Variants in MGA observed in about 807,000 individuals in gnomAD.
MGA encodes the protein MAX gene-associated protein.
In MGA, 40 loss-of-function variants were observed where a neutral mutation model predicts 261.1. The ratio of observed to expected loss-of-function variants is 0.15; its 90% confidence interval spans 0.12 to 0.20. MGA has a LOEUF of 0.20. MGA is among the 10% of genes least tolerant of loss of function. MGA has a pLI of 1.00. For missense variants in MGA, 3,397 were observed against 3,630.5 expected (o/e 0.94, Z 1.65); for synonymous variants, 1,302 against 1,290.6 (o/e 1.01, Z -0.19).
At chr15:41,644,804 G>A (rs2056902840) in intron 1 of MGA, among the ~76,000 whole-genome samples, 2 of 152,336 alleles carry the variant, frequency 1.3e-5, no homozygotes, top group South Asian at 2.1e-4. Context: ...ACCTAGAAAA[G>A]TTAACTGATG....
rs576807757 is a variant in MGA, at chr15:41,706,388, C to G, written c.2189-1340C>G. Among the ~76,000 whole-genome samples the G allele has an allele frequency of 4.0e-5, 6 of 150,144 alleles. No individual in the cohort carries two copies. The South Asian group carries it at 1.3e-3, about 31-fold the overall frequency. ...TCAGCTTTCCAAGTAGTTGGGCCTA[C>G]AGGTGCACGCCACAGTGCCTGGCTT... On this transcript the variant is annotated intron_variant, in intron 5 of 23. Transcript: ENST00000219905.
At chr15:41,665,894 A>G (rs1363636572) in intron 1 of MGA, among the ~76,000 whole-genome samples, 1 of 151,844 alleles carries the variant, frequency 6.6e-6, no homozygotes, top group Admixed American at 6.6e-5. Flanking sequence ...ATAACCTTTA[A>G]TAATTAACTA....
At chr15:41,670,261 A>G (rs1421217873) in intron 2 of MGA, among the ~76,000 whole-genome samples, 1 of 152,148 alleles carries the variant, frequency 6.6e-6, no homozygotes, top group Non-Finnish European at 1.5e-5. Context: ...GAATACCAAC[A>G]CCTGACTACA....
chr15:41,676,615 A>G (rs1034691847), intron 2 of MGA, among the ~76,000 whole-genome samples: 5 of 152,166 alleles, frequency 3.3e-5, no homozygotes, highest in Admixed American at 2.0e-4. Context: ...ATTAGTATCT[A>G]TAAGATGTAT....
intron 5 of MGA, 113 bp downstream of exon 5, chr15:41,699,272 C>T: frequency 2.9e-6 from 2 of 685,524 alleles, no homozygotes; most frequent in Non-Finnish European, 4.7e-6. Flanking sequence ...TTTCCTCTTT[C>T]TTTCTAGCCT....
chr15:41,651,284 C>T (rs2057036343), intron 1 of MGA, among the ~76,000 whole-genome samples: 1 of 152,286 alleles, frequency 6.6e-6, no homozygotes, highest in Middle Eastern at 3.4e-3. Flanking sequence ...GACCATAGTA[C>T]TTATGAGATA....
intron 2 of MGA, among the ~76,000 whole-genome samples, chr15:41,694,001 T>C (rs1356971535): frequency 6.6e-6 from 1 of 152,140 alleles, no homozygotes; most frequent in East Asian, 1.9e-4. Context: ...TTTCTTAGAT[T>C]TTAAGAAATA....
intron 1 of MGA, among the ~76,000 whole-genome samples, chr15:41,662,489 G>A (rs904243266): frequency 2.6e-5 from 4 of 152,164 alleles, no homozygotes; most frequent in African/African-American, 9.7e-5. Flanking sequence ...TGCCCTATAA[G>A]GTTGTGACGA....
chr15:41,660,968 T>C (rs1007522162), intron 1 of MGA, among the ~76,000 whole-genome samples: 3 of 152,220 alleles, frequency 2.0e-5, no homozygotes, highest in African/African-American at 7.2e-5. Context: ...GTCTCGTGGT[T>C]CTAGAACTCC....
chr15:41,626,055 A>G (rs12914573), intron 1 of MGA, among the ~76,000 whole-genome samples: 37,431 of 152,046 alleles, frequency 0.25, 5,156 homozygotes, highest in Middle Eastern at 0.43. Context: ...TATAAATTAA[A>G]CTTTATTATA....
At chr15:41,734,732 C>T in intron 12 of MGA, 138 bp downstream of exon 12, 1 of 645,118 alleles carries the variant, frequency 1.6e-6, no homozygotes. Context: ...AAAACAGGGA[C>T]AATAAGTAAA....
intron 14 of MGA, 30 bp from the exon 15 acceptor site, chr15:41,742,516 G>C: frequency 1.9e-6 from 3 of 1,599,302 alleles, no homozygotes; most frequent in Non-Finnish European, 2.6e-6. Context: ...GAGAACTGAA[G>C]ATTTTTGACC....
intron 2 of MGA, among the ~76,000 whole-genome samples, chr15:41,673,540 C>CTTTTT (rs777334913): frequency 2.4e-4 from 28 of 118,908 alleles, no homozygotes; most frequent in Non-Finnish European, 3.1e-4. Flanking sequence ...TTCTTTCTTT[C>CTTTTT]TTTTTTTTTT....
At chr15:41,694,049 G>A (rs183619501) in intron 2 of MGA, among the ~76,000 whole-genome samples, 12 of 152,050 alleles carry the variant, frequency 7.9e-5, no homozygotes, top group African/African-American at 2.9e-4. Flanking sequence ...AACTTTTCTA[G>A]TTCTAAGTGG....
chr15:41,632,894 T>C (rs894488926), intron 1 of MGA, among the ~76,000 whole-genome samples: 6 of 151,212 alleles, frequency 4.0e-5, no homozygotes, highest in Admixed American at 3.3e-4. Flanking sequence ...CACAAACAAA[T>C]GAAATGGCTG....
chr15:41,764,024 T>A (rs1043409604), intron 22 of MGA, among the ~76,000 whole-genome samples: 9 of 151,800 alleles, frequency 5.9e-5, no homozygotes. Context: ...CCGGATGTGG[T>A]GGTGCACACC....
At chr15:41,631,895 TTTAAA>T (rs1438062281) in intron 1 of MGA, among the ~76,000 whole-genome samples, 1 of 152,228 alleles carries the variant, frequency 6.6e-6, no homozygotes, top group Non-Finnish European at 1.5e-5. Context: ...TTTCTTTTTT[TTTAAA>T]TGGCAAGTGT....
chr15:41,717,294 A>G (rs1033673307), intron 9 of MGA, among the ~76,000 whole-genome samples: 1 of 152,204 alleles, frequency 6.6e-6, no homozygotes, highest in Non-Finnish European at 1.5e-5. Flanking sequence ...GGGTAGTACC[A>G]AGGGAAAGAA....
intron 22 of MGA, among the ~76,000 whole-genome samples, chr15:41,762,918 T>C (rs1165085352): frequency 6.6e-6 from 1 of 152,150 alleles, no homozygotes; most frequent in South Asian, 2.1e-4. Flanking sequence ...TCTATAGTCA[T>C]GTATTTTTAA....
Sources: gnomAD v4.1 joint callset for allele counts (sites outside exome capture counted in the v4.1 genomes callset) on GRCh38, gnomAD v4.1.1 for gene constraint, MANE v1.5 for transcripts, NCBI Gene and HGNC (gene_info 2026-07-23, HGNC 2026-07-21) for gene names.